Variants in CYLC1 observed in about 807,000 individuals in gnomAD.
The protein encoded by CYLC1 is cylicin-1.
CYLC1 carries 2 observed loss-of-function variants against 31.6 expected under a neutral mutation model. That is an observed-to-expected ratio of 0.06 (90% CI 0.03 to 0.20). The LOEUF (loss-of-function observed/expected upper bound fraction) is 0.20, where lower values mean the gene tolerates loss of function less well. Ranked by LOEUF, CYLC1 falls within the 10% of genes least tolerant of loss-of-function variation. The pLI is 1.00. For synonymous variants in CYLC1, 185 were observed against 153.0 expected, an observed-to-expected ratio of 1.21 and a Z score of -1.54; for missense variants, 595 against 424.1, an observed-to-expected ratio of 1.40 and a Z score of -3.54.
At chrX:83,885,551 A>G (rs1240065609) in intron 4 of CYLC1, among the ~76,000 whole-genome samples, 4 of 109,344 alleles carry the variant, frequency 3.7e-5, no homozygotes, top group Non-Finnish European at 7.6e-5. Context: ...TATAAGATAT[A>G]TCTTACAACT....
intron 1 of CYLC1, among the ~76,000 whole-genome samples, chrX:83,869,625 A>C (rs770616694): frequency 1.8e-5 from 2 of 111,061 alleles, no homozygotes; most frequent in East Asian, 5.6e-4. Context: ...GATTAATACG[A>C]ATTAAAGGTA....
intron 1 of CYLC1, among the ~76,000 whole-genome samples, chrX:83,869,172 A>T (rs2031630933): frequency 9.1e-6 from 1 of 110,115 alleles, no homozygotes; most frequent in South Asian, 3.8e-4. Flanking sequence ...AATATTTTCT[A>T]AATGTTTTTT....
chrX:83,883,711 T>G (rs2031943898), intron 4 of CYLC1, among the ~76,000 whole-genome samples: 1 of 111,944 alleles, frequency 8.9e-6, no homozygotes, highest in South Asian at 3.7e-4. Flanking sequence ...ATGACAAAGC[T>G]CTTTAATTTG....
At chrX:83,865,393 G>A (rs1326332536) in intron 1 of CYLC1, among the ~76,000 whole-genome samples, 2 of 111,415 alleles carry the variant, frequency 1.8e-5, no homozygotes, top group African/African-American at 3.3e-5. Flanking sequence ...CTAGAATTTA[G>A]TCTCAACATC....
intron 2 of CYLC1, 55 bp from the exon 3 acceptor site, chrX:83,871,397 G>C: frequency 1.2e-6 from 1 of 864,287 alleles, no homozygotes; most frequent in Non-Finnish European, 1.7e-6. Context: ...AATAATTCAG[G>C]TCTGTGGAAA....
chrX:83,880,729 A>T (rs757257737), intron 4 of CYLC1, among the ~76,000 whole-genome samples: 8 of 111,678 alleles, frequency 7.2e-5, no homozygotes, highest in South Asian at 7.4e-4. Flanking sequence ...CTGCTATTTT[A>T]TTATGCACAT....
chrX:83,874,543 G>A lies in CYLC1; in HGVS notation c.1835G>A (p.Cys612Tyr), dbSNP rs752193940. Residue 612 changes from cysteine to tyrosine, a missense_variant, in exon 4 of 5, where the codon TGT becomes TAT. Physicochemically the swap from Cys to Tyr is radical, Grantham distance 194. Coordinates refer to ENST00000329312, the MANE Select transcript of CYLC1 (RefSeq NM_021118.3). ...AGAGAAAAACCACCACTCCCTGCTT[G>A]TGAGCCTTCTCTACCATCACCAAAG... ...PSREKPPLPA[C>Y]EPSLPSPKVR... The A allele has an allele frequency of 8.3e-7, 1 of 1,210,390 alleles. No homozygotes were observed. Among genetic ancestry groups the A allele is most frequent in the South Asian group, 1.8e-5 (1 of 56,929 alleles).
At chrX:83,882,243 A>G (rs1335703524) in intron 4 of CYLC1, among the ~76,000 whole-genome samples, 2 of 111,456 alleles carry the variant, frequency 1.8e-5, no homozygotes, top group East Asian at 5.7e-4. Context: ...TCCATAAAAG[A>G]TAAAGATATA....
At chrX:83,878,572 A>T (rs1198001052) in intron 4 of CYLC1, among the ~76,000 whole-genome samples, 1 of 90,686 alleles carries the variant, frequency 1.1e-5, no homozygotes, top group Non-Finnish European at 2.1e-5. Flanking sequence ...ATGTCCACAG[A>T]TTCAAAAACA....
At chrX:83,877,920 A>ATATATATAAATGTATATATATATATTTG (rs1475752371) in intron 4 of CYLC1, among the ~76,000 whole-genome samples, 1 of 80,669 alleles carries the variant, frequency 1.2e-5, no homozygotes, top group East Asian at 3.8e-4. Context: ...ATATATATAT[A>ATATATATAAATGTATATATATATATTTG]TATATAAATA....
At position 83,869,897 on chromosome X, in the gene CYLC1, C is replaced by T. The variant is rs1487428850; in HGVS notation, c.50C>T (p.Ser17Phe). 1.2e-6 allele frequency: 1 copy of T among 821,743 alleles called. No homozygotes were observed. The highest frequency in any genetic ancestry group is 1.6e-6 in the Non-Finnish European group (1 of 626,368). The allele number at this position is 821,743 out of a possible 1,213,427, so 67.7% of individuals were successfully genotyped here. ...LKVNIRTYDN[S>F]IPISESSRKS... Reference sequence around the variant, plus strand: ...GTAAACATCAGAACATATGATAATTCCATTCCAAGTAAGAATTTAGTTAAT... The same window carrying T: ...GTAAACATCAGAACATATGATAATTTCATTCCAAGTAAGAATTTAGTTAAT... Residue 17 changes from serine to phenylalanine, a missense_variant, in exon 2 of 5, where the codon TCC (serine) becomes TTC (phenylalanine). Coordinates refer to ENST00000329312, the MANE Select transcript of CYLC1 (RefSeq NM_021118.3).
chrX:83,875,412 A>T (rs1408119134), intron 4 of CYLC1, among the ~76,000 whole-genome samples: 2 of 111,331 alleles, frequency 1.8e-5, no homozygotes, highest in East Asian at 5.7e-4. Context: ...TATACCTGAA[A>T]CTGAGAAATT....
In CYLC1 at chrX:83,874,052, T is replaced by C; in HGVS notation, c.1344T>C (p.Ser448=). 8.3e-7 allele frequency: 1 copy of C among 1,203,570 alleles called. No individual in the cohort carries two copies. Among genetic ancestry groups the C allele is most frequent in the Non-Finnish European group, 1.1e-6 (1 of 890,989 alleles). Residue 448 remains serine, a synonymous_variant, in exon 4 of 5, where the codon TCT becomes TCC. Transcript: ENST00000329312. ...ATGAAGAGTCTACTGATGCTGACTC[T>C]GAACCGAAGGGAGATTCAAAAAAGG... ...KNDEESTDAD[S]EPKGDSKKGK...
At chrX:83,874,836 T>C (rs1031027898) in intron 4 of CYLC1, among the ~76,000 whole-genome samples, 1 of 110,603 alleles carries the variant, frequency 9.0e-6, no homozygotes, top group African/African-American at 3.3e-5. Flanking sequence ...GAATAGAAAT[T>C]ATTTGGACTA....
intron 1 of CYLC1, among the ~76,000 whole-genome samples, chrX:83,863,423 C>A (rs886776646): frequency 9.0e-6 from 1 of 111,184 alleles, no homozygotes; most frequent in African/African-American, 3.3e-5. Flanking sequence ...AAATCCTTAC[C>A]TATCTTAGAT....
In CYLC1 at chrX:83,886,625, C is replaced by T. The variant is rs1394598923; in HGVS notation, c.*41C>T. ...TTGGTTTCACAGAATGGCCTTACCACAGTAAGCACCACCTACTCTCAAATG... is the reference window on the plus strand; with the variant it reads ...TTGGTTTCACAGAATGGCCTTACCATAGTAAGCACCACCTACTCTCAAATG... On this transcript the variant is annotated 3_prime_UTR_variant, in exon 5 of 5. Transcript: ENST00000329312. 2.8e-6 allele frequency: 3 copies of T among 1,082,369 alleles called. No individual in the cohort carries two copies. The highest frequency in any genetic ancestry group is 3.7e-5 in the African/African-American group (2 of 54,626). The allele number at this position is 1,082,369 out of a possible 1,213,427, so 89.2% of individuals were successfully genotyped here. A position where few individuals can be genotyped will look rare whatever the true frequency, so the allele number is the denominator to read the frequency against.
intron 1 of CYLC1, among the ~76,000 whole-genome samples, chrX:83,866,609 A>G (rs2031596128): frequency 9.0e-6 from 1 of 110,819 alleles, no homozygotes; most frequent in African/African-American, 3.3e-5. Context: ...TGTGTATATT[A>G]TGAGGATTCC....
At chrX:83,865,999 C>T (rs1437510491) in intron 1 of CYLC1, among the ~76,000 whole-genome samples, 1 of 111,101 alleles carries the variant, frequency 9.0e-6, no homozygotes, top group African/African-American at 3.3e-5. Flanking sequence ...AAACTAACAT[C>T]TACAAAACTA....
Position 83,874,623 on chromosome X carries a change from G to A in CYLC1, c.1915G>A (p.Ala639Thr). The change falls in exon 4 of 5, where the codon GCT (alanine) becomes ACT (threonine). Residue 639 changes from alanine to threonine, a missense_variant. Ala to Thr is a moderately conservative substitution (Grantham distance 58). Coordinates refer to ENST00000329312, the MANE Select transcript of CYLC1 (RefSeq NM_021118.3). ...MPPPPPKPRY[A>T]PLPEAPWIHK... ...TCCTCCACCTCCAAAACCAAGATAT[G>A]CTCCTTTGGTAAGTTTACTACTGTT... 3 of 1,191,622 alleles carry A rather than the reference G, an allele frequency of 2.5e-6. No homozygotes were observed. The highest frequency in any genetic ancestry group is 2.4e-5 in the Admixed American group (1 of 42,303).
Sources: gnomAD v4.1 joint callset for allele counts (sites outside exome capture counted in the v4.1 genomes callset) on GRCh38, gnomAD v4.1.1 for gene constraint, MANE v1.5 for transcripts, NCBI Gene and HGNC (gene_info 2026-07-23, HGNC 2026-07-21) for gene names.